AR: variants seen among roughly 807,000 people sequenced by gnomAD.
AR encodes androgen receptor.
A neutral mutation model predicts 53.9 loss-of-function variants in AR; 8 were observed. That is an observed-to-expected ratio of 0.15 (90% CI 0.09 to 0.27). AR has a LOEUF of 0.27. Among genes scored for constraint, AR ranks in the 10% least tolerant of loss-of-function variants. The probability of loss-of-function intolerance (pLI) is 1.00; values close to 1 mark genes in which losing one functional copy is unlikely to be tolerated. For missense variants in AR, 639 were observed against 742.5 expected, an observed-to-expected ratio of 0.86 and a Z score of 1.62; for synonymous variants, 359 against 316.4, an observed-to-expected ratio of 1.13 and a Z score of -1.43.
At chrX:67,670,886 G>A (rs914744280) in intron 2 of AR, among the ~76,000 whole-genome samples, 10 of 110,735 alleles carry the variant, frequency 9.0e-5, no homozygotes, top group Non-Finnish European at 1.9e-5. Context: ...GTTTGCTGAG[G>A]ATGATGGTTT....
intron 3 of AR, among the ~76,000 whole-genome samples, chrX:67,708,121 T>C (rs975636006): frequency 9.0e-6 from 1 of 111,536 alleles, no homozygotes; most frequent in African/African-American, 3.3e-5. Flanking sequence ...TTATGTGTCT[T>C]GGAGTTGCTC....
intron 1 of AR, among the ~76,000 whole-genome samples, chrX:67,549,013 G>A (rs766533157): frequency 3.6e-5 from 4 of 111,522 alleles, no homozygotes; most frequent in East Asian, 2.8e-4. Flanking sequence ...TCCTTAAGCC[G>A]GTTTATTGAA....
intron 1 of AR, among the ~76,000 whole-genome samples, chrX:67,625,899 A>AT (rs1325717120): frequency 6.3e-5 from 7 of 110,716 alleles, no homozygotes; most frequent in Admixed American, 9.7e-5. Flanking sequence ...GAGAAAAAAA[A>AT]TTTTTTTAAA....
intron 2 of AR, among the ~76,000 whole-genome samples, chrX:67,662,728 A>G (rs965856780): frequency 3.9e-4 from 43 of 111,075 alleles, no homozygotes; most frequent in African/African-American, 1.4e-3. Context: ...GTGGAGTGTT[A>G]AAGTCTCCCA....
At chrX:67,594,176 T>C (rs1344286331) in intron 1 of AR, among the ~76,000 whole-genome samples, 2 of 111,722 alleles carry the variant, frequency 1.8e-5, no homozygotes, top group Admixed American at 1.9e-4. Flanking sequence ...TAATTTTTCA[T>C]AGAAATGGGG....
At chrX:67,685,557 A>G (rs2147496613) in intron 2 of AR, among the ~76,000 whole-genome samples, 1 of 111,859 alleles carries the variant, frequency 8.9e-6, no homozygotes, top group Non-Finnish European at 1.9e-5. Flanking sequence ...TATTATGAAA[A>G]ATAAGCATCT....
rs112080998 is a variant in AR, at chrX:67,592,912, T to C, written c.1616+46150T>C. Among the ~76,000 whole-genome samples the C allele has an allele frequency of 1.9e-3, 212 of 110,915 alleles. 1 individual carries two copies. The highest frequency in any genetic ancestry group is 6.5e-3 in the African/African-American group (198 of 30,539). On this transcript the variant is annotated intron_variant, in intron 1 of 7. Coordinates refer to ENST00000374690, the MANE Select transcript of AR (RefSeq NM_000044.6). Reference sequence around the variant, plus strand: ...TTTCAGAAGAGCAAAACTAAGACAATCCAGGGAAATGCCATTTGAGAATTT... The same window carrying C: ...TTTCAGAAGAGCAAAACTAAGACAACCCAGGGAAATGCCATTTGAGAATTT...
chrX:67,669,086 G>T (rs980289716), intron 2 of AR, among the ~76,000 whole-genome samples: 3 of 109,819 alleles, frequency 2.7e-5, no homozygotes, highest in African/African-American at 9.9e-5. Flanking sequence ...ATTTCTTCCA[G>T]TTATTTGAGT....
intron 1 of AR, among the ~76,000 whole-genome samples, chrX:67,561,928 GTTTTTTTTTTTTTTTTT>G (rs757161392): frequency 1.3e-5 from 1 of 78,279 alleles, no homozygotes; most frequent in East Asian, 3.8e-4. Flanking sequence ...AACGAAAGAG[GTTTTTTTTTTTTTTTTT>G]TTTTTTTTTT....
At chrX:67,670,528 A>G (rs905068733) in intron 2 of AR, among the ~76,000 whole-genome samples, 1 of 107,094 alleles carries the variant, frequency 9.3e-6, no homozygotes, top group African/African-American at 3.4e-5. Context: ...TATTATATAT[A>G]TACTACATAA....
At chrX:67,586,600 T>A (rs771171440) in intron 1 of AR, among the ~76,000 whole-genome samples, 1 of 112,632 alleles carries the variant, frequency 8.9e-6, no homozygotes, top group Non-Finnish European at 1.9e-5. Flanking sequence ...AGTGAATTAA[T>A]GAATGACCTT....
chrX:67,678,261 AT>A (rs776002804), intron 2 of AR, among the ~76,000 whole-genome samples: 3 of 111,689 alleles, frequency 2.7e-5, no homozygotes, highest in Non-Finnish European at 5.6e-5. Context: ...CCCCAGGCAG[AT>A]TACATTTAAT....
At chrX:67,612,998 T>C (rs1352447978) in intron 1 of AR, among the ~76,000 whole-genome samples, 1 of 111,948 alleles carries the variant, frequency 8.9e-6, no homozygotes, top group African/African-American at 3.2e-5. Context: ...TAGGAAGGCA[T>C]AGCTTAGAGG....
chrX:67,629,720 T>C (rs1231210028), intron 1 of AR, among the ~76,000 whole-genome samples: 1 of 109,285 alleles, frequency 9.2e-6, no homozygotes, highest in East Asian at 2.9e-4. Context: ...GTTCTTTTAA[T>C]TGTGATGTTA....
At chrX:67,571,934 T>A (rs908772472) in intron 1 of AR, among the ~76,000 whole-genome samples, 2 of 111,155 alleles carry the variant, frequency 1.8e-5, no homozygotes, top group Non-Finnish European at 3.8e-5. Flanking sequence ...AAGTCTATGA[T>A]GCTGGATTCC....
At chrX:67,683,181 T>G (rs1272302824) in intron 2 of AR, among the ~76,000 whole-genome samples, 1 of 111,891 alleles carries the variant, frequency 8.9e-6, no homozygotes, top group Non-Finnish European at 1.9e-5. Flanking sequence ...ATGCTTATGT[T>G]GCATGTGACT....
intron 2 of AR, among the ~76,000 whole-genome samples, chrX:67,683,079 G>A (rs2075945487): frequency 9.0e-6 from 1 of 111,660 alleles, no homozygotes; most frequent in African/African-American, 3.3e-5. Flanking sequence ...CCAGTGTGTG[G>A]GTGTTGTATT....
chrX:67,666,550 T>A (rs1486706776), intron 2 of AR, among the ~76,000 whole-genome samples: 1 of 111,688 alleles, frequency 9.0e-6, no homozygotes. Context: ...GATATACTGA[T>A]TTTCTTTCTT....
intron 2 of AR, among the ~76,000 whole-genome samples, chrX:67,649,629 A>G (rs1336903887): frequency 8.9e-6 from 1 of 112,626 alleles, no homozygotes; most frequent in Non-Finnish European, 1.9e-5. Flanking sequence ...ATGACCAGTG[A>G]TGATAAGCTT....
Sources: allele counts gnomAD v4.1 joint callset (sites outside exome capture counted in the v4.1 genomes callset), GRCh38; gene constraint gnomAD v4.1.1; transcripts MANE v1.5; gene names NCBI Gene and HGNC (gene_info 2026-07-23, HGNC 2026-07-21).